Variants in KAZN observed in about 807,000 individuals in gnomAD.
KAZN encodes the protein kazrin.
Under a neutral mutation model 87.4 loss-of-function variants are expected in KAZN, and 40 were observed. The observed-to-expected ratio is 0.46, with a 90% confidence interval of 0.36 to 0.60. KAZN has a LOEUF of 0.60. Ranked by LOEUF, KAZN falls within the 20% of genes least tolerant of loss-of-function variation. KAZN has a pLI of 0.00. For synonymous variants in KAZN, 466 were observed against 458.3 expected, an observed-to-expected ratio of 1.02 and a Z score of -0.22; for missense variants, 898 against 1,073.9, an observed-to-expected ratio of 0.84 and a Z score of 2.29.
intron 1 of KAZN, among the ~76,000 whole-genome samples, chr1:14,845,559 G>GTGGATGGATGGATGGATGGGTGGA (rs1648648881): frequency 3.4e-5 from 5 of 145,564 alleles, no homozygotes; most frequent in Non-Finnish European, 6.0e-5. Flanking sequence ...AGATGGGTGG[G>GTGGATGGATGGATGGATGGGTGGA]TGGATGGATG....
At position 14,598,797 on chromosome 1, in the gene KAZN, A is replaced by T; in HGVS notation, c.-201A>T. ...CGCCTCCTCCCCCCGCCGCCTCGCC[A>T]CCGCCGCGGCTAGGGCTGGAGGCGC... On this transcript the variant is annotated 5_prime_UTR_variant, in exon 1 of 15. Transcript: ENST00000376030. This position sits in a 1 kb window ranked among gnomAD's most constrained non-coding sequence, Gnocchi z 4.2. 1 of 1,243,638 alleles carries T rather than the reference A, an allele frequency of 8.0e-7. No homozygotes were observed. Among genetic ancestry groups the T allele is most frequent in the Non-Finnish European group, 1.0e-6 (1 of 988,388 alleles). The allele number at this position is 1,243,638 out of a possible 1,614,324, so 77.0% of individuals were successfully genotyped here. A position where few individuals can be genotyped will look rare whatever the true frequency, so the allele number is the denominator to read the frequency against.
rs1033635833 is a variant in KAZN at position 14,977,574 on chromosome 1, G to T, written c.418+16699G>T. Among the ~76,000 whole-genome samples, 7 of 152,266 alleles carry T rather than the reference G, an allele frequency of 4.6e-5. 1 individual carries two copies. The South Asian group carries it at 1.4e-3, about 31-fold the overall frequency. On this transcript the variant is annotated intron_variant, in intron 2 of 14. Coordinates refer to ENST00000376030, the MANE Select transcript of KAZN (RefSeq NM_201628.3). The stretch of plus-strand genomic sequence containing the variant: ...CTCTGCTGCCTCTGAGTCAGCTGGA[G>T]AATTCATGTGCCTGCCGAGGTTGGC...
chr1:14,386,814 G>A (rs1166315741), intron 2 of KAZN, among the ~76,000 whole-genome samples: 1 of 152,034 alleles, frequency 6.6e-6, no homozygotes, highest in East Asian at 1.9e-4. Flanking sequence ...TTCTCAAGGA[G>A]TATCTTTGTG....
chr1:14,445,486 T>C (rs573505308), intron 2 of KAZN, among the ~76,000 whole-genome samples: 50 of 152,206 alleles, frequency 3.3e-4, no homozygotes, highest in African/African-American at 1.1e-3. Context: ...GAGGCTGGAA[T>C]TGATTCTTCC....
intron 2 of KAZN, among the ~76,000 whole-genome samples, chr1:14,590,291 C>A (rs1676115891): frequency 6.6e-6 from 1 of 152,098 alleles, no homozygotes; most frequent in Non-Finnish European, 1.5e-5. Context: ...CCTGGAATAA[C>A]AAATGCACCA....
chr1:14,800,331 C>G (rs1342269328), intron 1 of KAZN, among the ~76,000 whole-genome samples: 18 of 152,176 alleles, frequency 1.2e-4, no homozygotes. Context: ...GCAAATAACC[C>G]AAATGTCCAA....
In KAZN at chr1:14,599,173, C is replaced by A; in HGVS notation, c.176C>A (p.Ala59Glu). The part of the protein sequence containing the change: ...GPGAAASASA[A>E]GDSAATNMEN... The stretch of plus-strand genomic sequence containing the variant: ...GGAGCCGCGGCCAGCGCCTCGGCGG[C>A]GGGGGACTCGGCGGCGACGAACATG... The change falls in exon 1 of 15, where the codon GCG becomes GAG. Residue 59 changes from alanine (A) to glutamate (E), a missense_variant. Physicochemically the swap from Ala to Glu is moderately radical, Grantham distance 107. Around this residue, in one of 3 missense-constraint regions of KAZN, gnomAD observed 250 missense variants for 263.0 expected, o/e 0.95. Transcript: ENST00000376030. This position sits in a 1 kb window ranked among gnomAD's most constrained non-coding sequence, Gnocchi z 4.4. 1 of 1,377,654 alleles carries A rather than the reference C, an allele frequency of 7.3e-7. No homozygotes were observed. The highest frequency in any genetic ancestry group is 9.4e-7 in the Non-Finnish European group (1 of 1,068,080). 85.3% of individuals were successfully genotyped at this position (1,377,654 alleles called of 1,614,324 possible). A position where few individuals can be genotyped will look rare whatever the true frequency, so the allele number is the denominator to read the frequency against.
intron 2 of KAZN, among the ~76,000 whole-genome samples, chr1:14,344,423 T>C (rs958624043): frequency 9.9e-5 from 15 of 152,192 alleles, no homozygotes; most frequent in African/African-American, 3.1e-4. Flanking sequence ...ATTCCATCTG[T>C]TTCTTTTTTC....
chr1:15,013,328 G>A (rs892153515), intron 2 of KAZN, among the ~76,000 whole-genome samples: 4 of 152,208 alleles, frequency 2.6e-5, no homozygotes, highest in Non-Finnish European at 5.9e-5. Flanking sequence ...ATTCGAGTGG[G>A]GGAGGGGGAA....
intron 1 of KAZN, among the ~76,000 whole-genome samples, chr1:14,016,843 C>T (rs937970673): frequency 6.6e-6 from 1 of 152,148 alleles, no homozygotes; most frequent in Non-Finnish European, 1.5e-5. Context: ...TGCCTTTGTG[C>T]TGCTCTTACT....
intron 2 of KAZN, among the ~76,000 whole-genome samples, chr1:14,229,896 A>G (rs1647648383): frequency 6.6e-6 from 1 of 152,258 alleles, no homozygotes; most frequent in Non-Finnish European, 1.5e-5. Context: ...ACCTGCCTCC[A>G]GCAGAGCCAT....
chr1:14,719,624 A>T (rs1274717326), intron 1 of KAZN, among the ~76,000 whole-genome samples: 1 of 152,226 alleles, frequency 6.6e-6, no homozygotes, highest in African/African-American at 2.4e-5. Flanking sequence ...GGATCACCTG[A>T]GGTCAGGAGT....
At chr1:14,702,773 A>T (rs1426723621) in intron 1 of KAZN, among the ~76,000 whole-genome samples, 1 of 152,174 alleles carries the variant, frequency 6.6e-6, no homozygotes, top group Non-Finnish European at 1.5e-5. Flanking sequence ...ATGCTCTGTG[A>T]AAGTGTTTAA....
chr1:14,622,517 C>T (rs972568260), intron 1 of KAZN, among the ~76,000 whole-genome samples: 5 of 151,560 alleles, frequency 3.3e-5, no homozygotes, highest in Admixed American at 2.6e-4. Context: ...GGTGAAACCC[C>T]GTCTCTACTA....
At chr1:14,549,561 G>C (rs990041951) in intron 2 of KAZN, among the ~76,000 whole-genome samples, 2 of 151,634 alleles carry the variant, frequency 1.3e-5, no homozygotes, top group African/African-American at 4.8e-5. Flanking sequence ...ATGGGTAATG[G>C]ACCCAAACTT....
At chr1:14,712,337 G>C (rs1257891327) in intron 1 of KAZN, among the ~76,000 whole-genome samples, 1 of 152,186 alleles carries the variant, frequency 6.6e-6, no homozygotes, top group Non-Finnish European at 1.5e-5. Flanking sequence ...GCCAGGGAGA[G>C]GGAGATAGCA....
At chr1:13,981,823 A>T (rs1371598212) in intron 1 of KAZN, among the ~76,000 whole-genome samples, 1 of 152,136 alleles carries the variant, frequency 6.6e-6, no homozygotes, top group African/African-American at 2.4e-5. Context: ...GCTTTTACAG[A>T]CCCTAGAAGA....
chr1:14,022,566 A>G (rs1640894299), intron 1 of KAZN, among the ~76,000 whole-genome samples: 2 of 150,132 alleles, frequency 1.3e-5, no homozygotes, highest in South Asian at 2.1e-4. Context: ...TGGATTTTAT[A>G]TGTCGTATGA....
chr1:15,079,593 G>A (rs1047445348), intron 8 of KAZN, among the ~76,000 whole-genome samples: 2 of 152,124 alleles, frequency 1.3e-5, no homozygotes, highest in Non-Finnish European at 2.9e-5. Flanking sequence ...AGATGCACAC[G>A]TGCCCGGCCT....
Sources: gnomAD v4.1 joint callset for allele counts (sites outside exome capture counted in the v4.1 genomes callset) on GRCh38, gnomAD v4.1.1 for gene constraint, gnomAD v4.1.1 regional missense constraint, Gnocchi (gnomAD v3.1) non-coding constraint, MANE v1.5 for transcripts, NCBI Gene and HGNC (gene_info 2026-07-23, HGNC 2026-07-21) for gene names.